NOP14: variants seen among roughly 807,000 people sequenced by gnomAD.
NOP14 encodes nucleolar protein 14.
Under a neutral mutation model 101.6 loss-of-function variants are expected in NOP14, and 57 were observed. That is an observed-to-expected ratio of 0.56 (90% confidence interval 0.45 to 0.70). NOP14 has a LOEUF of 0.70. NOP14 is among the 30% of genes least tolerant of loss of function. The pLI, the probability that NOP14 is intolerant of heterozygous loss-of-function variation, is 0.00. For missense variants in NOP14, 1,134 were observed against 1,075.5 expected (o/e 1.05, Z -0.76); for synonymous variants, 428 against 424.0 (o/e 1.01, Z -0.12).
chr4:2,943,573 G>A (rs746747008), intron 13 of NOP14, among the ~76,000 whole-genome samples: 4 of 152,252 alleles, frequency 2.6e-5, no homozygotes, highest in Non-Finnish European at 2.9e-5. Flanking sequence ...CACTGCTCTT[G>A]CCGCCCTCGC....
chr4:2,955,181 GCGCCCCC>G (rs1715267336), intron 3 of NOP14, among the ~76,000 whole-genome samples: 2 of 86,778 alleles, frequency 2.3e-5, no homozygotes, highest in African/African-American at 1.1e-4. Context: ...GCACGCCACG[GCGCCCCC>G]TCTAGTCACC....
At chr4:2,939,469 G>A (rs540545153) in intron 16 of NOP14, 58 bp downstream of exon 16, 159 of 1,594,046 alleles carry the variant, frequency 1.0e-4, no homozygotes, top group African/African-American at 5.6e-4. Flanking sequence ...GACGCCCCCC[G>A]TCAGCTCCCA....
At chr4:2,958,961 G>A (rs1715527864) in intron 1 of NOP14, among the ~76,000 whole-genome samples, 1 of 152,184 alleles carries the variant, frequency 6.6e-6, no homozygotes. Flanking sequence ...AGCACGACCT[G>A]GCCCTCCTTT....
At chr4:2,950,991 T>C (rs557324935) in intron 7 of NOP14, 123 bp downstream of exon 7, 11 of 921,380 alleles carry the variant, frequency 1.2e-5, no homozygotes, top group South Asian at 8.4e-5. Flanking sequence ...TAAAGAACTT[T>C]AGAGAAACTG....
chr4:2,961,391 C>T (rs955618970), intron 1 of NOP14: 6 of 63,258 alleles, frequency 9.5e-5, no homozygotes, highest in Non-Finnish European at 2.4e-4. Flanking sequence ...AAGCAATGTC[C>T]TGAGACTGGC....
intron 15 of NOP14, among the ~76,000 whole-genome samples, chr4:2,939,885 G>A (rs137865788): frequency 3.2e-3 from 482 of 152,360 alleles, no homozygotes; most frequent in Non-Finnish European, 5.8e-3. Flanking sequence ...AGGGAGGGCC[G>A]TGGGCTGGCC....
At position 2,956,531 on chromosome 4, in the gene NOP14, A is replaced by C. The variant is rs1485556902; in HGVS notation, c.472+139T>G. ...ATACATAAAAACTGTCACTTGTGAA[A>C]TTTGTAGAGAGGTTAATGATCAGTA... On this transcript the variant is annotated intron_variant, in intron 3 of 17. Transcript: ENST00000416614. The C allele has an allele frequency of 9.7e-6, 8 of 826,838 alleles. No individual in the cohort carries two copies. In the East Asian group the frequency reaches 2.2e-4, roughly 23 times the overall value. The allele number at this position is 826,838 out of a possible 1,614,324, so 51.2% of individuals were successfully genotyped here.
chr4:2,958,283 T>G (rs1339257457), intron 1 of NOP14, among the ~76,000 whole-genome samples: 1 of 152,150 alleles, frequency 6.6e-6, no homozygotes, highest in Middle Eastern at 3.2e-3. Context: ...TATCAAATAA[T>G]TTGGTTATTT....
At chr4:2,957,550 C>T in intron 2 of NOP14, 56 bp downstream of exon 2, 3 of 1,600,998 alleles carry the variant, frequency 1.9e-6, no homozygotes, top group Non-Finnish European at 2.6e-6. Context: ...TTCTCCTTGG[C>T]CTTGACTTCC....
chr4:2,938,678 A>T lies in NOP14; in HGVS notation c.*153T>A, dbSNP rs1033132813. On this transcript the variant is annotated 3_prime_UTR_variant, in exon 18 of 18. Coordinates refer to ENST00000416614, the MANE Select transcript of NOP14 (RefSeq NM_001291978.2). ...GTGCCACCACACTTGGCTAATTTTT[A>T]TGTTTTTTTGGTAGAGACGGGGTCT... 6 of 623,236 alleles carry T rather than the reference A, an allele frequency of 9.6e-6. No individual in the cohort carries two copies. Among genetic ancestry groups the T allele is most frequent in the Non-Finnish European group, 1.7e-5 (6 of 359,334 alleles). 38.6% of individuals were successfully genotyped at this position (623,236 alleles called of 1,614,324 possible).
At position 2,948,383 on chromosome 4, in the gene NOP14, T is replaced by C; in HGVS notation, c.1308A>G (p.Arg436=). 6.2e-7 allele frequency: 1 copy of C among 1,612,530 alleles called. No homozygotes were observed. The highest frequency in any genetic ancestry group is 8.5e-7 in the Non-Finnish European group (1 of 1,179,562). The change falls in exon 9 of 18, where the codon AGA becomes AGG. Residue 436 remains arginine, a synonymous_variant. Coordinates refer to ENST00000416614, the MANE Select transcript of NOP14 (RefSeq NM_001291978.2). ...CCATCGATCTTCCTAACAACAGAGA[T>C]CTCAGTTCCTCATAGGATTCAGGGG... is the stretch of plus-strand genomic sequence containing the variant. ...FAAPESYEEL[R]SLLLGRSMEE...
Position 2,949,984 on chromosome 4 carries a change from T to G in NOP14, c.1232A>C (p.Lys411Thr). The G allele has an allele frequency of 3.1e-6, 5 of 1,614,156 alleles. No individual in the cohort carries two copies. The highest frequency in any genetic ancestry group is 4.2e-6 in the Non-Finnish European group (5 of 1,180,032). ...TCTGGTAGCTTTTCCAGCTCTTTCC[T>G]TGCCGCTTATCAACCCTTTCCCAGG... ...QTPGKGLISG[K>T]ERAGKATRDE... The change falls in exon 8 of 18, where the codon AAG (lysine) becomes ACG (threonine). Residue 411 changes from lysine (K) to threonine (T), a missense_variant. Transcript: ENST00000416614.
At position 2,938,199 on chromosome 4, in the gene NOP14, G is replaced by A. The variant is rs1172315707; in HGVS notation, c.*632C>T. ...AGCGGGTGGGGGGAGCTGGAGGTTG[G>A]AATCACACCAACATTATAGCATTAT... On this transcript the variant is annotated 3_prime_UTR_variant, in exon 18 of 18. Transcript: ENST00000416614. 1 of 1,288,682 alleles carries A rather than the reference G, an allele frequency of 7.8e-7. No individual in the cohort carries two copies. The highest frequency in any genetic ancestry group is 1.0e-6 in the Non-Finnish European group (1 of 988,444). 79.8% of individuals were successfully genotyped at this position (1,288,682 alleles called of 1,614,324 possible).
Position 2,942,278 on chromosome 4 carries a change from A to G in NOP14, c.1965T>C (p.Asp655=). Residue 655 remains aspartate (D), a synonymous_variant, in exon 14 of 18, where the codon GAT becomes GAC. Transcript: ENST00000416614. ...SELLVVSARE[D]VATWQQSSLS... ...GGCTGCTCTGCTGCCACGTGGCCAC[A>G]TCCTCTCTAGCAGACACCACGAGCA... is the stretch of plus-strand genomic sequence containing the variant. The G allele has an allele frequency of 3.1e-6, 5 of 1,614,156 alleles. No individual in the cohort carries two copies. Among genetic ancestry groups the G allele is most frequent in the Non-Finnish European group, 4.2e-6 (5 of 1,180,032 alleles).
chr4:2,949,253 G>C (rs531263031), intron 8 of NOP14, among the ~76,000 whole-genome samples: 4 of 152,316 alleles, frequency 2.6e-5, no homozygotes, highest in South Asian at 2.1e-4. Flanking sequence ...ACCCAGGCTA[G>C]AGTGCAGTGG....
At position 2,938,284 on chromosome 4, in the gene NOP14, G is replaced by A. The variant is rs1175719386; in HGVS notation, c.*547C>T. The A allele has an allele frequency of 5.0e-6, 6 of 1,205,286 alleles. No individual in the cohort carries two copies. The East Asian group carries it at 1.7e-4, about 34-fold the overall frequency. The allele number at this position is 1,205,286 out of a possible 1,614,324, so 74.7% of individuals were successfully genotyped here. ...TGTGGCTCACACCTATAATTGGGGG[G>A]CCAAGGCAGGTGGATTACCTGAGGT... On this transcript the variant is annotated 3_prime_UTR_variant, in exon 18 of 18. Coordinates refer to ENST00000416614, the MANE Select transcript of NOP14 (RefSeq NM_001291978.2).
intron 10 of NOP14, 123 bp from the exon 11 acceptor site, chr4:2,946,670 G>A (rs377313293): frequency 1.7e-5 from 14 of 801,888 alleles, no homozygotes; most frequent in African/African-American, 1.6e-4. Flanking sequence ...GGATGAATCC[G>A]CTTTTTCTAA....
At chr4:2,941,840 T>C (rs1714222323) in intron 14 of NOP14, 111 bp from the exon 15 acceptor site, 3 of 1,293,188 alleles carry the variant, frequency 2.3e-6, no homozygotes, top group South Asian at 1.4e-5. Flanking sequence ...AAAACTCCAG[T>C]GTGGCCACCT....
At chr4:2,950,420 G>A in intron 7 of NOP14, 1 of 604,274 alleles carries the variant, frequency 1.7e-6, no homozygotes, top group South Asian at 2.0e-5. Context: ...GCTACAGGCT[G>A]CTAGAGAACC....
Sources: allele counts gnomAD v4.1 joint callset (sites outside exome capture counted in the v4.1 genomes callset), GRCh38; gene constraint gnomAD v4.1.1; transcripts MANE v1.5; gene names NCBI Gene and HGNC (gene_info 2026-07-23, HGNC 2026-07-21).